TMEM178B: variants seen among roughly 807,000 people sequenced by gnomAD.
TMEM178B encodes transmembrane protein 178B.
In TMEM178B, 5 loss-of-function variants were observed where a neutral mutation model predicts 31.0. The observed-to-expected ratio is 0.16, with a 90% CI of 0.08 to 0.34. The LOEUF (loss-of-function observed/expected upper bound fraction) is 0.34. TMEM178B is among the 10% of genes least tolerant of loss of function. The pLI, the probability that TMEM178B is intolerant of heterozygous loss-of-function variation, is 1.00. For synonymous variants in TMEM178B, 164 were observed against 164.0 expected (o/e 1.00, Z 0.00); for missense variants, 275 against 400.3 (o/e 0.69, Z 2.67).
intron 2 of TMEM178B, among the ~76,000 whole-genome samples, chr7:141,259,066 C>T (rs1375549016): frequency 6.6e-6 from 1 of 152,142 alleles, no homozygotes; most frequent in Non-Finnish European, 1.5e-5. Flanking sequence ...TCCTGTCTCT[C>T]TCTTCTTGTC....
intron 2 of TMEM178B, among the ~76,000 whole-genome samples, chr7:141,347,946 G>A (rs950533691): frequency 4.6e-5 from 7 of 152,198 alleles, no homozygotes; most frequent in African/African-American, 1.4e-4. Context: ...AATAGCCTCT[G>A]TCATAGAACC....
At chr7:141,090,775 T>A (rs1794868632) in intron 1 of TMEM178B, among the ~76,000 whole-genome samples, 1 of 152,180 alleles carries the variant, frequency 6.6e-6, no homozygotes, top group East Asian at 1.9e-4. Context: ...AGCCAACACA[T>A]CTTTTCTTAC....
intron 2 of TMEM178B, among the ~76,000 whole-genome samples, chr7:141,261,823 A>G (rs1490053097): frequency 6.6e-6 from 1 of 152,140 alleles, no homozygotes; most frequent in Non-Finnish European, 1.5e-5. Flanking sequence ...CATCTGTCTT[A>G]TCTACCAACA....
At chr7:141,118,016 T>C (rs951126929) in intron 1 of TMEM178B, among the ~76,000 whole-genome samples, 4 of 152,196 alleles carry the variant, frequency 2.6e-5, no homozygotes, top group African/African-American at 9.7e-5. Context: ...GTAAAATATT[T>C]GTGAAATGTT....
chr7:141,148,904 C>T (rs1039626584), intron 1 of TMEM178B, among the ~76,000 whole-genome samples: 1 of 152,106 alleles, frequency 6.6e-6, no homozygotes, highest in Non-Finnish European at 1.5e-5. Context: ...GGGTGGCATC[C>T]CAGGCACAGG....
At chr7:141,172,013 G>A (rs923287010) in intron 1 of TMEM178B, among the ~76,000 whole-genome samples, 30 of 152,318 alleles carry the variant, frequency 2.0e-4, no homozygotes, top group East Asian at 5.8e-4. Flanking sequence ...GACAGGCACC[G>A]TAGTAGGTGC....
intron 1 of TMEM178B, among the ~76,000 whole-genome samples, chr7:141,112,247 A>G (rs1234926611): frequency 6.6e-6 from 1 of 151,986 alleles, no homozygotes; most frequent in Non-Finnish European, 1.5e-5. Flanking sequence ...TAATTTTTTA[A>G]GTTTTTATTT....
chr7:141,382,733 T>C (rs540709400), intron 2 of TMEM178B, among the ~76,000 whole-genome samples: 1 of 152,338 alleles, frequency 6.6e-6, no homozygotes, highest in African/African-American at 2.4e-5. Context: ...ATATATGTAA[T>C]GACAAAGAGA....
chr7:141,192,138 A>G (rs1188256172), intron 1 of TMEM178B, among the ~76,000 whole-genome samples: 3 of 152,200 alleles, frequency 2.0e-5, no homozygotes, highest in Non-Finnish European at 4.4e-5. Context: ...GTAAATTCCC[A>G]TATTTTAAAT....
At chr7:141,498,767 C>A in the TMEM178B span, among the ~76,000 whole-genome samples, 1 of 152,132 alleles carries the variant, frequency 6.6e-6, no homozygotes, top group African/African-American at 2.4e-5. Context: ...GCTCTCCTAC[C>A]CTTATTAAGG....
At chr7:141,421,611 A>G (rs578250848) in intron 2 of TMEM178B, among the ~76,000 whole-genome samples, 2 of 152,262 alleles carry the variant, frequency 1.3e-5, no homozygotes, top group East Asian at 1.9e-4. Flanking sequence ...TTATGATCTC[A>G]TGGGTAAAAG....
At chr7:141,250,983 C>T (rs1047078474) in intron 2 of TMEM178B, among the ~76,000 whole-genome samples, 2 of 152,132 alleles carry the variant, frequency 1.3e-5, no homozygotes, top group African/African-American at 4.8e-5. Context: ...CTCCTTTCCT[C>T]GGCTTTTCCT....
chr7:141,368,479 T>C (rs963818507), intron 2 of TMEM178B, among the ~76,000 whole-genome samples: 1 of 152,250 alleles, frequency 6.6e-6, no homozygotes, highest in Non-Finnish European at 1.5e-5. Context: ...ACAGGTTCTA[T>C]GCCTATATAC....
chr7:141,142,742 A>G (rs1795794865), intron 1 of TMEM178B, among the ~76,000 whole-genome samples: 2 of 152,244 alleles, frequency 1.3e-5, no homozygotes, highest in Admixed American at 1.3e-4. Flanking sequence ...ATTCCCAGTA[A>G]TGGGATTGCT....
rs576738736 is a variant in TMEM178B, at chr7:141,241,165, C to G, written c.496+28461C>G. Among the ~76,000 whole-genome samples, 16 of 151,654 alleles carry G rather than the reference C, an allele frequency of 1.1e-4. No individual in the cohort carries two copies. In the South Asian group the frequency reaches 2.9e-3, roughly 28 times the overall value. ...GTAGTTTTTTTTTTTAATCCCTAGCCCCCTCCCATCCTCCCCCTTCTGAGT... is the reference window on the plus strand; with the variant it reads ...GTAGTTTTTTTTTTTAATCCCTAGCGCCCTCCCATCCTCCCCCTTCTGAGT... On this transcript the variant is annotated intron_variant, in intron 2 of 3. Coordinates refer to ENST00000565468, the MANE Select transcript of TMEM178B (RefSeq NM_001195278.2).
At chr7:141,376,958 C>T (rs554315063) in intron 2 of TMEM178B, among the ~76,000 whole-genome samples, 2 of 152,088 alleles carry the variant, frequency 1.3e-5, no homozygotes, top group African/African-American at 2.4e-5. Flanking sequence ...GAAAAAATTG[C>T]TGTAGGATAG....
rs990597433 is a variant in TMEM178B, at chr7:141,470,696, G to T, written c.795G>T (p.Ser265=). The change falls in exon 4 of 4, where the codon TCG becomes TCT. Residue 265 remains serine (S), a synonymous_variant. Coordinates refer to ENST00000565468, the MANE Select transcript of TMEM178B (RefSeq NM_001195278.2). ...AWGGLGLTLI[S]GFFCTLAPSV... is the part of the protein sequence containing the mutation. ...GGGGCCTGGGCCTCACACTCATCTCGGGATTCTTCTGTACCTTAGCCCCTT... is the reference window on the plus strand; with the variant it reads ...GGGGCCTGGGCCTCACACTCATCTCTGGATTCTTCTGTACCTTAGCCCCTT... 15 of 1,535,418 alleles carry T rather than the reference G, an allele frequency of 9.8e-6. No individual in the cohort carries two copies. The Admixed American group carries it at 2.9e-4, about 30-fold the overall frequency.
At chr7:141,377,344 C>T (rs963151968) in intron 2 of TMEM178B, among the ~76,000 whole-genome samples, 1 of 151,946 alleles carries the variant, frequency 6.6e-6, no homozygotes, top group Non-Finnish European at 1.5e-5. Flanking sequence ...CCACCACGCC[C>T]AGCTAATTTT....
At chr7:141,301,850 C>G (rs981635550) in intron 2 of TMEM178B, among the ~76,000 whole-genome samples, 1 of 152,188 alleles carries the variant, frequency 6.6e-6, no homozygotes, top group Admixed American at 6.5e-5. Flanking sequence ...AGAAGAGAGT[C>G]CTGAGCTGAA....
Sources: allele counts gnomAD v4.1 joint callset (sites outside exome capture counted in the v4.1 genomes callset), GRCh38; gene constraint gnomAD v4.1.1; transcripts MANE v1.5; gene names NCBI Gene and HGNC (gene_info 2026-07-23, HGNC 2026-07-21).